Variants in CTNNA2 observed in about 807,000 individuals in gnomAD.
CTNNA2 encodes the protein catenin alpha 2.
CTNNA2 carries 42 observed loss-of-function variants against 101.0 expected under a neutral mutation model. The ratio of observed to expected loss-of-function variants is 0.42; its 90% CI spans 0.32 to 0.54. The LOEUF (loss-of-function observed/expected upper bound fraction) is 0.54, where lower values mean the gene tolerates loss of function less well. Among genes scored for constraint, CTNNA2 ranks in the 20% least tolerant of loss-of-function variants. The probability of loss-of-function intolerance (pLI) is 0.14; values close to 1 mark genes in which losing one functional copy is unlikely to be tolerated. For synonymous variants in CTNNA2, 450 were observed against 456.4 expected (o/e 0.99, Z 0.18); for missense variants, 871 against 1,223.1 (o/e 0.71, Z 4.29).
Position 79,648,489 on chromosome 2 carries a change from A to G in CTNNA2, c.-5-3063A>G, listed in dbSNP as rs73938758. ...AAATGTTCCTACTACAAGGTCTAAT[A>G]CAGACAGCAGAAAGCAATCCAATGT... is the stretch of plus-strand genomic sequence containing the variant. On this transcript the variant is annotated intron_variant, in intron 1 of 18. Coordinates refer to ENST00000402739, the MANE Select transcript of CTNNA2 (RefSeq NM_001282597.3). Among the ~76,000 whole-genome samples the G allele has an allele frequency of 8.8e-3, 1,339 of 152,310 alleles. 16 individuals are homozygous for G. Among genetic ancestry groups the G allele is most frequent in the African/African-American group, 0.031 (1,275 of 41,562 alleles).
intron 7 of CTNNA2, among the ~76,000 whole-genome samples, chr2:80,234,409 A>G (rs1309926759): frequency 6.6e-6 from 1 of 152,186 alleles, no homozygotes; most frequent in Admixed American, 6.5e-5. Context: ...AACACCTCTA[A>G]TTCTTTTTGG....
intron 2 of CTNNA2, among the ~76,000 whole-genome samples, chr2:79,683,148 T>G (rs922981187): frequency 2.0e-5 from 3 of 152,112 alleles, no homozygotes; most frequent in African/African-American, 7.2e-5. Context: ...ACTTTCAGAG[T>G]CTACCTCTCT....
chr2:79,677,097 T>A (rs1222761642), intron 2 of CTNNA2, among the ~76,000 whole-genome samples: 2 of 152,154 alleles, frequency 1.3e-5, no homozygotes, highest in African/African-American at 4.8e-5. Context: ...AACTTTTGGA[T>A]TTTTTTGCAC....
At chr2:79,922,072 G>A (rs1213269937) in intron 7 of CTNNA2, among the ~76,000 whole-genome samples, 7 of 152,132 alleles carry the variant, frequency 4.6e-5, no homozygotes, top group Non-Finnish European at 7.4e-5. Flanking sequence ...ATTATCTGAC[G>A]TAATCAACAC....
At chr2:79,396,004 G>T (rs1400758604) in intron 4 of CTNNA2, among the ~76,000 whole-genome samples, 2 of 152,084 alleles carry the variant, frequency 1.3e-5, no homozygotes, top group Non-Finnish European at 2.9e-5. Flanking sequence ...CACATTTACG[G>T]TCTGACACAG....
chr2:79,242,785 T>C (rs181284847), intron 2 of CTNNA2, among the ~76,000 whole-genome samples: 17 of 151,794 alleles, frequency 1.1e-4, no homozygotes, highest in South Asian at 6.3e-4. Context: ...CTAGGCAACA[T>C]AGGGAGACTC....
chr2:80,196,536 C>T (rs1355897356), intron 7 of CTNNA2, among the ~76,000 whole-genome samples: 1 of 152,146 alleles, frequency 6.6e-6, no homozygotes, highest in Non-Finnish European at 1.5e-5. Context: ...TTACCCATAC[C>T]AACTCAGCAG....
intron 1 of CTNNA2, among the ~76,000 whole-genome samples, chr2:79,611,890 A>G (rs1373312859): frequency 6.6e-6 from 1 of 152,184 alleles, no homozygotes; most frequent in Non-Finnish European, 1.5e-5. Flanking sequence ...AAATGAGTGG[A>G]TCAACCACCA....
intron 2 of CTNNA2, among the ~76,000 whole-genome samples, chr2:79,732,826 G>A (rs949485883): frequency 1.3e-5 from 2 of 152,018 alleles, no homozygotes; most frequent in African/African-American, 2.4e-5. Flanking sequence ...AGGAAGTTAG[G>A]CTCCTTTCTA....
chr2:79,504,150 T>C (rs1044225323), intron 4 of CTNNA2, among the ~76,000 whole-genome samples: 1 of 152,140 alleles, frequency 6.6e-6, no homozygotes, highest in Non-Finnish European at 1.5e-5. Context: ...GAATGGGTGG[T>C]AGATAAAGAA....
chr2:79,938,285 G>C (rs2104447759), intron 7 of CTNNA2, among the ~76,000 whole-genome samples: 1 of 152,258 alleles, frequency 6.6e-6, no homozygotes, highest in Non-Finnish European at 1.5e-5. Flanking sequence ...TTGATTTGTA[G>C]AACAGAATTT....
Position 79,440,986 on chromosome 2 carries a change from A to G in CTNNA2, c.-134-64068A>G, listed in dbSNP as rs141697900. ...ACTCCACCACTTAATTCATTCAGAC[A>G]GTTTGTACAAGTTGTGGCAAGGAGT... On this transcript the variant is annotated intron_variant, in intron 4 of 21. Coordinates refer to the CTNNA2 transcript ENST00000466387. Among the ~76,000 whole-genome samples, 639 of 152,272 alleles carry G rather than the reference A, an allele frequency of 4.2e-3. 1 individual carries two copies. The highest frequency in any genetic ancestry group is 0.014 in the African/African-American group (601 of 41,550).
intron 7 of CTNNA2, among the ~76,000 whole-genome samples, chr2:80,323,925 TG>T (rs1678978883): frequency 6.6e-6 from 1 of 152,138 alleles, no homozygotes; most frequent in Admixed American, 6.5e-5. Context: ...CTAACATTAG[TG>T]GTATTTCAGT....
At chr2:80,394,873 G>T (rs1174797090) in intron 8 of CTNNA2, among the ~76,000 whole-genome samples, 1 of 152,072 alleles carries the variant, frequency 6.6e-6, no homozygotes, top group Non-Finnish European at 1.5e-5. Context: ...GCAGTGGGAG[G>T]ACATCTCCAG....
rs76993183 is a variant in CTNNA2, at chr2:79,781,759, A to G, written c.298+37177A>G. Among the ~76,000 whole-genome samples the G allele has an allele frequency of 3.8e-3, 584 of 152,306 alleles. 3 individuals carry two copies. The highest frequency in any genetic ancestry group is 0.013 in the African/African-American group (541 of 41,574). On this transcript the variant is annotated intron_variant, in intron 3 of 18. Transcript: ENST00000402739. ...TTATATGTAAAACTGATGATAATTTATATCTGTGTGTGTGTAAAATAACAA... is the reference window on the plus strand; with the variant it reads ...TTATATGTAAAACTGATGATAATTTGTATCTGTGTGTGTGTAAAATAACAA...
At chr2:80,273,119 G>A (rs77763077) in intron 7 of CTNNA2, among the ~76,000 whole-genome samples, 2,632 of 152,200 alleles carry the variant, frequency 0.017, 79 homozygotes, top group African/African-American at 0.059. Flanking sequence ...GAAAGCAGTA[G>A]GATCAAAATG....
chr2:79,567,573 G>A (rs1180291258), intron 1 of CTNNA2, among the ~76,000 whole-genome samples: 1 of 151,874 alleles, frequency 6.6e-6, no homozygotes, highest in East Asian at 1.9e-4. Flanking sequence ...TGTTGTTCTT[G>A]TATAGCCTTC....
At chr2:80,196,285 G>A (rs1706828254) in intron 7 of CTNNA2, among the ~76,000 whole-genome samples, 1 of 152,134 alleles carries the variant, frequency 6.6e-6, no homozygotes, top group Non-Finnish European at 1.5e-5. Context: ...TCTTCCTAGT[G>A]TCTGAGACTG....
At chr2:80,504,221 G>A (rs1005977563) in intron 9 of CTNNA2, among the ~76,000 whole-genome samples, 3 of 152,094 alleles carry the variant, frequency 2.0e-5, no homozygotes, top group African/African-American at 7.2e-5. Context: ...ATTATAGAAT[G>A]GATATTTTCA....
Sources: gnomAD v4.1 joint callset for allele counts (sites outside exome capture counted in the v4.1 genomes callset) on GRCh38, gnomAD v4.1.1 for gene constraint, MANE v1.5 for transcripts, NCBI Gene and HGNC (gene_info 2026-07-23, HGNC 2026-07-21) for gene names.